VSTM2L: variants seen among roughly 807,000 people sequenced by gnomAD.
VSTM2L encodes V-set and transmembrane domain-containing protein 2-like protein.
A neutral mutation model predicts 19.9 loss-of-function variants in VSTM2L; 9 were observed. That is an observed-to-expected ratio of 0.45 (90% CI 0.27 to 0.79). The LOEUF is 0.79. Ranked by LOEUF, VSTM2L falls within the 30% of genes least tolerant of loss-of-function variation. The pLI is 0.15. For synonymous variants in VSTM2L, 127 were observed against 133.8 expected, an observed-to-expected ratio of 0.95 and a Z score of 0.35; for missense variants, 286 against 295.5, an observed-to-expected ratio of 0.97 and a Z score of 0.24.
At chr20:37,931,089 C>T (rs2072906418) in intron 1 of VSTM2L, among the ~76,000 whole-genome samples, 1 of 152,160 alleles carries the variant, frequency 6.6e-6, no homozygotes, top group African/African-American at 2.4e-5. Context: ...GGCGTGTCCA[C>T]AGGACAGGGA....
chr20:37,919,996 G>A (rs1006662136), intron 1 of VSTM2L, among the ~76,000 whole-genome samples: 1 of 152,190 alleles, frequency 6.6e-6, no homozygotes, highest in African/African-American at 2.4e-5. Flanking sequence ...CTTCAACCCC[G>A]GGGCAGGAGA....
At chr20:37,927,807 T>C (rs2072886950) in intron 1 of VSTM2L, among the ~76,000 whole-genome samples, 1 of 152,124 alleles carries the variant, frequency 6.6e-6, no homozygotes, top group African/African-American at 2.4e-5. Context: ...GGCGGCCCTC[T>C]CTGTTCTCCT....
chr20:37,933,765 T>C (rs2072924252), intron 3 of VSTM2L, among the ~76,000 whole-genome samples, 176 bp downstream of exon 3: 1 of 152,190 alleles, frequency 6.6e-6, no homozygotes, highest in Non-Finnish European at 1.5e-5. Flanking sequence ...TTTTTCAAGT[T>C]CATTCAATGA....
intron 1 of VSTM2L, among the ~76,000 whole-genome samples, chr20:37,909,030 A>T (rs552858141): frequency 4.5e-4 from 68 of 152,300 alleles, no homozygotes; most frequent in African/African-American, 1.6e-3. Context: ...CAGAGGCTGG[A>T]CTTGAACTGA....
intron 1 of VSTM2L, among the ~76,000 whole-genome samples, chr20:37,919,443 C>G (rs778504798): frequency 6.6e-6 from 1 of 152,250 alleles, no homozygotes; most frequent in African/African-American, 2.4e-5. Flanking sequence ...CCAGGCTTCT[C>G]TGTTTCTGGA....
At chr20:37,919,010 T>C (rs945140993) in intron 1 of VSTM2L, among the ~76,000 whole-genome samples, 14 of 152,220 alleles carry the variant, frequency 9.2e-5, no homozygotes, top group Admixed American at 2.0e-4. Context: ...CCATTGTTCC[T>C]ATAGCAGTCT....
Position 37,944,382 on chromosome 20 carries a change from G to T in VSTM2L, c.*129G>T, listed in dbSNP as rs2072995597. 2.3e-6 allele frequency: 3 copies of T among 1,286,214 alleles called. No homozygotes were observed. The South Asian group carries it at 5.9e-5, about 25-fold the overall frequency. The allele number at this position is 1,286,214 out of a possible 1,614,324, so 79.7% of individuals were successfully genotyped here. A position where few individuals can be genotyped will look rare whatever the true frequency, so the allele number is the denominator to read the frequency against. On this transcript the variant is annotated 3_prime_UTR_variant, in exon 4 of 4. Coordinates refer to ENST00000373461, the MANE Select transcript of VSTM2L (RefSeq NM_080607.3). The stretch of plus-strand genomic sequence containing the variant: ...CCCCGAGGCCGCCTGTGGCCACCAT[G>T]TCGGCCCTCTTTCCACCACCCCTTG...
intron 1 of VSTM2L, among the ~76,000 whole-genome samples, chr20:37,920,743 C>A (rs2072845673): frequency 6.6e-6 from 1 of 152,172 alleles, no homozygotes; most frequent in Admixed American, 6.5e-5. Context: ...GGCACAGTCC[C>A]CCCAGGAAAC....
In VSTM2L at chr20:37,944,148, C is replaced by T; in HGVS notation, c.510C>T (p.Val170=). Reference sequence around the variant, plus strand: ...GGGTGCAGCCAGGGGAGAACTCCGTCCTGCATCTGCCCGAAGCCCCTCCCG... The same window carrying T: ...GGGTGCAGCCAGGGGAGAACTCCGTTCTGCATCTGCCCGAAGCCCCTCCCG... ...YLRVQPGENS[V]LHLPEAPPAA... Residue 170 remains valine (V), a synonymous_variant, in exon 4 of 4, where the codon GTC becomes GTT. Coordinates refer to ENST00000373461, the MANE Select transcript of VSTM2L (RefSeq NM_080607.3). 1.2e-6 allele frequency: 2 copies of T among 1,600,220 alleles called. No homozygotes were observed. The highest frequency in any genetic ancestry group is 1.7e-6 in the Non-Finnish European group (2 of 1,172,944).
chr20:37,922,058 C>A (rs1470292827), intron 1 of VSTM2L, among the ~76,000 whole-genome samples: 1 of 151,896 alleles, frequency 6.6e-6, no homozygotes, highest in African/African-American at 2.4e-5. Flanking sequence ...AGAAAGTTTC[C>A]CATTTTCCCC....
At chr20:37,921,592 C>T (rs1244592310) in intron 1 of VSTM2L, among the ~76,000 whole-genome samples, 2 of 152,024 alleles carry the variant, frequency 1.3e-5, no homozygotes, top group Non-Finnish European at 2.9e-5. Flanking sequence ...ATCTTCAATT[C>T]TAGTTGGAGT....
At chr20:37,914,481 GTGTGTGTAT>G (rs2122945331) in intron 1 of VSTM2L, among the ~76,000 whole-genome samples, 1 of 149,990 alleles carries the variant, frequency 6.7e-6, no homozygotes, top group South Asian at 2.1e-4. Context: ...TGTATTTTGT[GTGTGTGTAT>G]TGTGTGTATG....
chr20:37,938,853 A>T (rs930817541), intron 3 of VSTM2L, among the ~76,000 whole-genome samples: 3 of 151,968 alleles, frequency 2.0e-5, no homozygotes, highest in African/African-American at 7.3e-5. Flanking sequence ...CTGCTCCTGG[A>T]GTGGGATATT....
At chr20:37,906,371 G>A (rs186265915) in intron 1 of VSTM2L, among the ~76,000 whole-genome samples, 87 of 152,346 alleles carry the variant, frequency 5.7e-4, no homozygotes, top group African/African-American at 7.0e-4. Flanking sequence ...GTGATGGTCC[G>A]TGTCTGCACC....
At position 37,929,981 on chromosome 20, in the gene VSTM2L, C is replaced by T. The variant is rs2072899563; in HGVS notation, c.122-1654C>T. On this transcript the variant is annotated intron_variant, in intron 1 of 3. Coordinates refer to ENST00000373461, the MANE Select transcript of VSTM2L (RefSeq NM_080607.3). Reference sequence around the variant, plus strand: ...GGGCTATGTGTGATGGCGCCCCACACCATCCCTCGCAAATGTTCAGGAACT... The same window carrying T: ...GGGCTATGTGTGATGGCGCCCCACATCATCCCTCGCAAATGTTCAGGAACT... Among the ~76,000 whole-genome samples, 5 of 152,160 alleles carry T rather than the reference C, an allele frequency of 3.3e-5. No homozygotes were observed. The South Asian group carries it at 1.0e-3, about 31-fold the overall frequency.
In VSTM2L at chr20:37,944,158, C is replaced by G. The variant is rs144148069; in HGVS notation, c.520C>G (p.Pro174Ala). Reference protein sequence around the residue: ...QPGENSVLHLPEAPPAAPAPP... With the variant: ...QPGENSVLHLAEAPPAAPAPP... ...AGGGGAGAACTCCGTCCTGCATCTG[C>G]CCGAAGCCCCTCCCGCCGCGCCCGC... Residue 174 changes from proline (P) to alanine (A), a missense_variant, in exon 4 of 4, where the codon CCC becomes GCC. Transcript: ENST00000373461. 1.6e-3 allele frequency: 2,576 copies of G among 1,582,904 alleles called. 3 individuals carry two copies. Among genetic ancestry groups the G allele is most frequent in the Non-Finnish European group, 2.1e-3 (2,455 of 1,163,522 alleles).
chr20:37,903,735 A>G (rs2072735506), intron 1 of VSTM2L, among the ~76,000 whole-genome samples: 1 of 152,188 alleles, frequency 6.6e-6, no homozygotes, highest in Non-Finnish European at 1.5e-5. Context: ...AGCCGCGGAC[A>G]CACTCAGAGC....
chr20:37,933,980 C>T (rs2072925448), intron 3 of VSTM2L, among the ~76,000 whole-genome samples: 1 of 152,180 alleles, frequency 6.6e-6, no homozygotes, highest in African/African-American at 2.4e-5. Context: ...GTGATCTGGC[C>T]CCGGGGACGG....
chr20:37,943,844 G>A, intron 3 of VSTM2L, 137 bp from the exon 4 acceptor site: 1 of 918,940 alleles, frequency 1.1e-6, no homozygotes, highest in East Asian at 2.7e-5. Flanking sequence ...TCACTCTTGT[G>A]CAAACCTCGG....
Sources: gnomAD v4.1 joint callset for allele counts (sites outside exome capture counted in the v4.1 genomes callset) on GRCh38, gnomAD v4.1.1 for gene constraint, MANE v1.5 for transcripts, NCBI Gene and HGNC (gene_info 2026-07-23, HGNC 2026-07-21) for gene names.